TTLL11: variants seen among roughly 807,000 people sequenced by gnomAD.
The protein encoded by TTLL11 is tubulin tyrosine ligase like 11.
A neutral mutation model predicts 51.7 loss-of-function variants in TTLL11; 42 were observed. That is an observed-to-expected ratio of 0.81 (90% confidence interval 0.64 to 1.05). TTLL11 has a LOEUF of 1.05. TTLL11 is among the 50% of genes least tolerant of loss of function. The probability of loss-of-function intolerance (pLI) is 0.00; values close to 1 mark genes in which losing one functional copy is unlikely to be tolerated. For missense variants in TTLL11, 799 were observed against 940.4 expected (o/e 0.85, Z 1.97); for synonymous variants, 381 against 383.5 (o/e 0.99, Z 0.08).
chr9:121,906,920 G>C (rs1839967414), intron 6 of TTLL11, among the ~76,000 whole-genome samples: 1 of 151,944 alleles, frequency 6.6e-6, no homozygotes, highest in Admixed American at 6.6e-5. Flanking sequence ...AAAATATAGA[G>C]TTTTTGGCCG....
chr9:121,949,532 T>C (rs1270467432), intron 6 of TTLL11, among the ~76,000 whole-genome samples: 1 of 152,138 alleles, frequency 6.6e-6, no homozygotes, highest in Non-Finnish European at 1.5e-5. Context: ...ACACTTGTAA[T>C]TGGGTCTTGC....
chr9:121,837,535 G>T (rs1837215071), intron 8 of TTLL11, among the ~76,000 whole-genome samples: 1 of 151,974 alleles, frequency 6.6e-6, no homozygotes, highest in African/African-American at 2.4e-5. Context: ...GGGATGAGGG[G>T]AGGAAAGGGA....
At chr9:121,957,706 C>T (rs1157427424) in intron 6 of TTLL11, among the ~76,000 whole-genome samples, 4 of 152,122 alleles carry the variant, frequency 2.6e-5, no homozygotes, top group Non-Finnish European at 5.9e-5. Context: ...TCCAGGACCC[C>T]GAAATTCCCC....
At chr9:121,932,574 C>A (rs1841031054) in intron 6 of TTLL11, among the ~76,000 whole-genome samples, 1 of 152,234 alleles carries the variant, frequency 6.6e-6, no homozygotes, top group South Asian at 2.1e-4. Context: ...TTCCCCACCT[C>A]CTCAGCTGAC....
intron 6 of TTLL11, among the ~76,000 whole-genome samples, chr9:121,881,391 A>G (rs1172554440): frequency 6.6e-6 from 1 of 152,138 alleles, no homozygotes; most frequent in East Asian, 1.9e-4. Flanking sequence ...TGGTAATCCT[A>G]ATTCTCTTCT....
chr9:121,932,424 G>A (rs1841022333), intron 6 of TTLL11, among the ~76,000 whole-genome samples: 1 of 152,172 alleles, frequency 6.6e-6, no homozygotes, highest in Admixed American at 6.5e-5. Context: ...CAGGTTCTCA[G>A]GATGTGTTTG....
At chr9:121,892,312 T>C (rs186162104) in intron 6 of TTLL11, among the ~76,000 whole-genome samples, 7 of 151,942 alleles carry the variant, frequency 4.6e-5, no homozygotes, top group African/African-American at 1.4e-4. Context: ...ATGCTTCTGA[T>C]AAAGGCATAC....
At chr9:121,914,439 G>A (rs112790294) in intron 6 of TTLL11, among the ~76,000 whole-genome samples, 4 of 152,316 alleles carry the variant, frequency 2.6e-5, no homozygotes, top group East Asian at 1.9e-4. Context: ...ATGGAATGAC[G>A]GTTGATGAAG....
In TTLL11 at chr9:121,991,112, G is replaced by A. The variant is rs573723958; in HGVS notation, c.694-1342C>T. Among the ~76,000 whole-genome samples the A allele has an allele frequency of 2.8e-4, 43 of 152,348 alleles. No individual in the cohort carries two copies. The South Asian group carries it at 4.1e-3, about 15-fold the overall frequency. ...CTGACAGCAGTGCCTGGCAGGCTGA[G>A]TTGGTGGGTGCCCCAGTGACAGACT... is the stretch of plus-strand genomic sequence containing the variant. On this transcript the variant is annotated intron_variant, in intron 3 of 8. Coordinates refer to ENST00000321582, the MANE Select transcript of TTLL11 (RefSeq NM_001139442.2).
chr9:122,086,604 C>T (rs975508231), intron 1 of TTLL11, among the ~76,000 whole-genome samples: 4 of 152,178 alleles, frequency 2.6e-5, no homozygotes, highest in East Asian at 1.9e-4. Context: ...AGGAAGGCAA[C>T]CCAGCTAGTC....
At position 122,093,175 on chromosome 9, in the gene TTLL11, G is replaced by GTGCCAC. The variant is rs1846316759; in HGVS notation, c.-33_-28dup. On this transcript the variant is annotated 5_prime_UTR_variant, in exon 1 of 9. Coordinates refer to ENST00000321582, the MANE Select transcript of TTLL11 (RefSeq NM_001139442.2). ...GTGCTCAGGGCCGGGGCCAGTGCCA[G>GTGCCAC]TGCCACCGCCGCCGCCGCCGCCGCT... 1 of 1,492,670 alleles carries GTGCCAC rather than the reference G, an allele frequency of 6.7e-7. No individual in the cohort carries two copies. The allele number at this position is 1,492,670 out of a possible 1,614,324, so 92.5% of individuals were successfully genotyped here.
At chr9:122,042,992 T>C (rs995549535) in intron 1 of TTLL11, among the ~76,000 whole-genome samples, 2 of 152,200 alleles carry the variant, frequency 1.3e-5, no homozygotes, top group Non-Finnish European at 2.9e-5. Context: ...GAAAATACTC[T>C]GTGTGATACT....
At chr9:122,091,646 C>A (rs75190475) in intron 1 of TTLL11, among the ~76,000 whole-genome samples, 6,288 of 152,314 alleles carry the variant, frequency 0.041, 169 homozygotes, top group South Asian at 0.057. Context: ...TCTACCATAG[C>A]CAAGGCACAG....
chr9:121,973,952 C>T lies in TTLL11; in HGVS notation c.1481+57G>A, dbSNP rs752636238. Reference sequence around the variant, plus strand: ...TCCAAGAACTTACCTGCTTAGGATACGAAGCCGGGTTAGGAGGCAGAGTTG... The same window carrying T: ...TCCAAGAACTTACCTGCTTAGGATATGAAGCCGGGTTAGGAGGCAGAGTTG... On this transcript the variant is annotated intron_variant, in intron 6 of 8. Coordinates refer to ENST00000321582, the MANE Select transcript of TTLL11 (RefSeq NM_001139442.2). 1.1e-5 allele frequency: 15 copies of T among 1,343,580 alleles called. No homozygotes were observed. In the East Asian group the frequency reaches 1.3e-4, roughly 11 times the overall value. 83.2% of individuals were successfully genotyped at this position (1,343,580 alleles called of 1,614,324 possible).
chr9:122,034,180 T>C (rs934040110), intron 2 of TTLL11, among the ~76,000 whole-genome samples: 14 of 152,242 alleles, frequency 9.2e-5, no homozygotes, highest in Non-Finnish European at 1.3e-4. Flanking sequence ...CGGGGGAATG[T>C]TCTCTTCCGA....
At chr9:121,911,844 TG>T (rs1329525071) in intron 6 of TTLL11, among the ~76,000 whole-genome samples, 1 of 152,164 alleles carries the variant, frequency 6.6e-6, no homozygotes, top group African/African-American at 2.4e-5. Context: ...GATGGGTTGA[TG>T]GGTGCAGCAA....
intron 1 of TTLL11, among the ~76,000 whole-genome samples, chr9:122,057,296 A>G (rs10985512): frequency 0.089 from 13,409 of 151,234 alleles, 835 homozygotes; most frequent in African/African-American, 0.15. Context: ...GATCTGCTGT[A>G]AGGTGACATG....
intron 6 of TTLL11, among the ~76,000 whole-genome samples, chr9:121,963,901 G>A (rs1315039791): frequency 1.3e-5 from 2 of 152,138 alleles, no homozygotes; most frequent in East Asian, 3.9e-4. Flanking sequence ...TCTGAAACCT[G>A]AGACCTTTCA....
At chr9:121,951,088 A>G (rs546900076) in intron 6 of TTLL11, among the ~76,000 whole-genome samples, 1 of 152,308 alleles carries the variant, frequency 6.6e-6, no homozygotes, top group East Asian at 1.9e-4. Flanking sequence ...GCGGAACATC[A>G]GCTCGTGAAC....
Sources: allele counts gnomAD v4.1 joint callset (sites outside exome capture counted in the v4.1 genomes callset), GRCh38; gene constraint gnomAD v4.1.1; transcripts MANE v1.5; gene names NCBI Gene and HGNC (gene_info 2026-07-23, HGNC 2026-07-21).